The following INSR variants were observed in gnomAD, a reference collection of about 807,000 sequenced individuals.
The protein encoded by INSR is insulin receptor, also known as IR.
A neutral mutation model predicts 142.6 loss-of-function variants in INSR; 67 were observed. The observed-to-expected ratio is 0.47, with a 90% CI of 0.39 to 0.58. The LOEUF (loss-of-function observed/expected upper bound fraction) is 0.58, where lower values mean the gene tolerates loss of function less well. Ranked by LOEUF, INSR falls within the 20% of genes least tolerant of loss-of-function variation. INSR has a pLI of 0.00. For synonymous variants in INSR, 756 were observed against 743.1 expected, an observed-to-expected ratio of 1.02 and a Z score of -0.28; for missense variants, 1,248 against 1,833.2, an observed-to-expected ratio of 0.68 and a Z score of 5.83.
chr19:7,286,055 C>T (rs1968337237), intron 1 of INSR, among the ~76,000 whole-genome samples: 1 of 152,156 alleles, frequency 6.6e-6, no homozygotes, highest in Non-Finnish European at 1.5e-5. Context: ...TCACAGCTCA[C>T]TGGCGCCTCG....
Position 7,216,429 on chromosome 19 carries a change from G to A in INSR, c.653-31792C>T, listed in dbSNP as rs900978566. ...TGATGTTATGCGGTACAAATGAGAC[G>A]GCCCCTGAACTCCCACTGTGTACCA... On this transcript the variant is annotated intron_variant, in intron 2 of 21. Transcript: ENST00000302850. The surrounding 1 kb of genome is among the most constrained non-coding windows in gnomAD (Gnocchi z 4.2). Among the ~76,000 whole-genome samples the A allele has an allele frequency of 5.3e-5, 8 of 152,142 alleles. No homozygotes were observed. The highest frequency in any genetic ancestry group is 8.8e-5 in the Non-Finnish European group (6 of 68,016).
chr19:7,176,280 G>A (rs1974133261), intron 3 of INSR, among the ~76,000 whole-genome samples: 1 of 152,172 alleles, frequency 6.6e-6, no homozygotes. Context: ...TAGTGAGTGA[G>A]TTCTCACGAG....
chr19:7,176,351 G>A lies in INSR; in HGVS notation c.975-1620C>T, dbSNP rs780465000. 1.1e-3 allele frequency among the ~76,000 whole-genome samples: 168 copies of A among 152,196 alleles called. 1 individual carries two copies. The highest frequency in any genetic ancestry group is 2.2e-3 in the Admixed American group (33 of 15,276). ...CATGGTGGCTCATGCCTGTAATTCC[G>A]GCACTTTGGGAGGCCAAGGCGAGCG... On this transcript the variant is annotated intron_variant, in intron 3 of 21. Coordinates refer to ENST00000302850, the MANE Select transcript of INSR (RefSeq NM_000208.4).
At chr19:7,196,519 T>C (rs957003957) in intron 2 of INSR, among the ~76,000 whole-genome samples, 1 of 152,194 alleles carries the variant, frequency 6.6e-6, no homozygotes, top group Non-Finnish European at 1.5e-5. Context: ...CAGCGCTGCA[T>C]TGTTAAATGA....
At chr19:7,263,527 A>AG (rs1238473885) in intron 2 of INSR, among the ~76,000 whole-genome samples, 1 of 152,116 alleles carries the variant, frequency 6.6e-6, no homozygotes, top group Non-Finnish European at 1.5e-5. Context: ...CAAAACCCCC[A>AG]GTACTGGAAA....
chr19:7,184,377 C>T lies in INSR; in HGVS notation c.913G>A (p.Val305Ile), dbSNP rs765888394. Reference sequence around the variant, plus strand: ...GGGATGCACTTGTTGTTGTGAATGACGTACTGGTGGCAGCCCTGCCTCCGC... The same window carrying T: ...GGGATGCACTTGTTGTTGTGAATGATGTACTGGTGGCAGCCCTGCCTCCGC... ...NSRRQGCHQY[V>I]IHNNKCIPEC... Residue 305 changes from valine to isoleucine, a missense_variant, in exon 3 of 22, where the codon GTC becomes ATC. Physicochemically the swap from Val to Ile is conservative, Grantham distance 29. Coordinates refer to ENST00000302850, the MANE Select transcript of INSR (RefSeq NM_000208.4). 26 of 1,613,944 alleles carry T rather than the reference C, an allele frequency of 1.6e-5. No individual in the cohort carries two copies. The highest frequency in any genetic ancestry group is 1.5e-4 in the Admixed American group (9 of 59,960).
chr19:7,171,922 T>C (rs1406239375), intron 5 of INSR, among the ~76,000 whole-genome samples: 6 of 150,730 alleles, frequency 4.0e-5, no homozygotes, highest in Non-Finnish European at 1.5e-5. Flanking sequence ...CTTTTCTTTT[T>C]TTTTTTTTGG....
intron 2 of INSR, among the ~76,000 whole-genome samples, chr19:7,238,247 C>G (rs1321805177): frequency 1.3e-5 from 2 of 152,140 alleles, no homozygotes; most frequent in African/African-American, 2.4e-5. Flanking sequence ...GCACCAAGTT[C>G]CTGGACAAAT....
intron 10 of INSR, among the ~76,000 whole-genome samples, chr19:7,151,704 G>GAA (rs113079437): frequency 2.2e-5 from 3 of 138,246 alleles, no homozygotes; most frequent in African/African-American, 5.2e-5. Flanking sequence ...AAAAAGAAAA[G>GAA]AAAAAAAAAA....
chr19:7,161,794 G>A (rs1266242765), intron 9 of INSR, among the ~76,000 whole-genome samples: 1 of 152,144 alleles, frequency 6.6e-6, no homozygotes, highest in Non-Finnish European at 1.5e-5. Context: ...AGAGACAAGA[G>A]GAGAAAATCC....
chr19:7,208,761 T>C (rs1339111764), intron 2 of INSR, among the ~76,000 whole-genome samples: 2 of 152,032 alleles, frequency 1.3e-5, no homozygotes, highest in Non-Finnish European at 2.9e-5. Flanking sequence ...ATCCCAGCAC[T>C]TTGGGAGGCC....
At chr19:7,226,368 C>T (rs1294001188) in intron 2 of INSR, among the ~76,000 whole-genome samples, 3 of 149,038 alleles carry the variant, frequency 2.0e-5, no homozygotes, top group Non-Finnish European at 4.4e-5. Context: ...CAAGATCGCA[C>T]CACTGCACTC....
chr19:7,245,492 C>A (rs1976513255), intron 2 of INSR, among the ~76,000 whole-genome samples: 1 of 152,120 alleles, frequency 6.6e-6, no homozygotes, highest in African/African-American at 2.4e-5. Flanking sequence ...CTCTGTCACC[C>A]AGACTCAAGT....
At position 7,265,550 on chromosome 19, in the gene INSR, C is replaced by T. The variant is rs140241138; in HGVS notation, c.652+1795G>A. Among the ~76,000 whole-genome samples, 266 of 152,172 alleles carry T rather than the reference C, an allele frequency of 1.7e-3. 2 individuals are homozygous for T. Among genetic ancestry groups the T allele is most frequent in the Non-Finnish European group, 3.0e-3 (203 of 68,002 alleles). On this transcript the variant is annotated intron_variant, in intron 2 of 21. Coordinates refer to ENST00000302850, the MANE Select transcript of INSR (RefSeq NM_000208.4). ...GAGAGTTCGAGACCAGCCTGGTCAA[C>T]GTAGTGAAATCTCGTCTCTACTAAC...
chr19:7,175,139 C>T (rs867842694), intron 3 of INSR, among the ~76,000 whole-genome samples: 5 of 151,992 alleles, frequency 3.3e-5, no homozygotes, highest in South Asian at 2.1e-4. Context: ...CCACTGCACC[C>T]GGCCCTTTCT....
At chr19:7,141,432 T>G (rs1228329915) in intron 13 of INSR, 1 of 542,614 alleles carries the variant, frequency 1.8e-6, no homozygotes, top group Non-Finnish European at 3.3e-6. Flanking sequence ...GCAGACATCA[T>G]TCAACTTAGA....
Position 7,293,897 on chromosome 19 carries a change from C to G in INSR, c.-6G>C, listed in dbSNP as rs760391683. ...CGCCGGCCCCCGGTGGCCATGGCTG[C>G]GGGAGCGCGGGGTCTCCTCGGATCA... On this transcript the variant is annotated 5_prime_UTR_variant, in exon 1 of 22. Transcript: ENST00000302850. 1.6e-6 allele frequency: 2 copies of G among 1,212,812 alleles called. No individual in the cohort carries two copies. Among genetic ancestry groups the G allele is most frequent in the Non-Finnish European group, 2.0e-6 (2 of 980,732 alleles). 75.1% of individuals were successfully genotyped at this position (1,212,812 alleles called of 1,614,324 possible).
intron 1 of INSR, among the ~76,000 whole-genome samples, chr19:7,269,285 A>G (rs530085434): frequency 9.9e-5 from 15 of 151,900 alleles, no homozygotes; most frequent in Admixed American, 9.2e-4. Context: ...ACAACGACAA[A>G]ACACAGCAAA....
At chr19:7,210,821 G>T (rs568347330) in intron 2 of INSR, among the ~76,000 whole-genome samples, 60 of 151,776 alleles carry the variant, frequency 4.0e-4, no homozygotes, top group African/African-American at 1.4e-3. Context: ...CCTCTGCCTC[G>T]CGGTTTCAAG....
Sources: allele counts gnomAD v4.1 joint callset (sites outside exome capture counted in the v4.1 genomes callset), GRCh38; gene constraint gnomAD v4.1.1; non-coding constraint Gnocchi (gnomAD v3.1); transcripts MANE v1.5; gene names NCBI Gene and HGNC (gene_info 2026-07-23, HGNC 2026-07-21).